The following SEMA3E variants were observed in gnomAD, a reference collection of about 807,000 sequenced individuals.
The protein encoded by SEMA3E is semaphorin 3E.
SEMA3E carries 49 observed loss-of-function variants against 93.6 expected under a neutral mutation model. The observed-to-expected ratio is 0.52, with a 90% CI of 0.42 to 0.66. The LOEUF (loss-of-function observed/expected upper bound fraction) is 0.66. Among genes scored for constraint, SEMA3E ranks in the 30% least tolerant of loss-of-function variants. The pLI is 0.00. For missense variants in SEMA3E, 906 were observed against 964.8 expected, an observed-to-expected ratio of 0.94 and a Z score of 0.81; for synonymous variants, 363 against 330.7, an observed-to-expected ratio of 1.10 and a Z score of -1.06.
intron 1 of SEMA3E, among the ~76,000 whole-genome samples, chr7:83,571,398 G>A (rs563562592): frequency 6.6e-6 from 1 of 152,194 alleles, no homozygotes; most frequent in South Asian, 2.1e-4. Context: ...CTTTATTCCT[G>A]GGATACAAGT....
intron 5 of SEMA3E, among the ~76,000 whole-genome samples, chr7:83,413,073 ATTCT>A (rs1291614740): frequency 6.6e-6 from 1 of 152,176 alleles, no homozygotes; most frequent in Non-Finnish European, 1.5e-5. Context: ...ATAAAAACAC[ATTCT>A]TTATATTAAT....
At chr7:83,516,426 A>C (rs1223890817) in intron 1 of SEMA3E, among the ~76,000 whole-genome samples, 1 of 152,214 alleles carries the variant, frequency 6.6e-6, no homozygotes, top group Admixed American at 6.5e-5. Flanking sequence ...ATTTATGGTA[A>C]GGGTAAAGTA....
intron 11 of SEMA3E, among the ~76,000 whole-genome samples, chr7:83,398,682 G>A (rs963464833): frequency 9.2e-5 from 14 of 152,134 alleles, no homozygotes; most frequent in African/African-American, 2.4e-4. Flanking sequence ...GGTGGCTTAC[G>A]CCAGTAATAC....
chr7:83,449,623 CTAA>C (rs1196078392), intron 4 of SEMA3E, among the ~76,000 whole-genome samples: 3 of 152,108 alleles, frequency 2.0e-5, no homozygotes, highest in Non-Finnish European at 4.4e-5. Context: ...CCCTCACACA[CTAA>C]TGAGAACTAT....
intron 4 of SEMA3E, among the ~76,000 whole-genome samples, chr7:83,441,401 C>T (rs2713173): frequency 0.96 from 145,599 of 152,152 alleles, 70,000 homozygotes; most frequent in East Asian, 1. Flanking sequence ...CTCGATACAG[C>T]ATATCAAAAT....
At chr7:83,602,667 G>C (rs534911325) in intron 1 of SEMA3E, among the ~76,000 whole-genome samples, 1 of 151,996 alleles carries the variant, frequency 6.6e-6, no homozygotes, top group Non-Finnish European at 1.5e-5. Flanking sequence ...TAGTAGAAAC[G>C]GGGTTTCACC....
chr7:83,503,208 G>A (rs1466343511), intron 1 of SEMA3E, among the ~76,000 whole-genome samples: 6 of 151,934 alleles, frequency 3.9e-5, no homozygotes, highest in Middle Eastern at 3.2e-3. Flanking sequence ...CAGCTACTGC[G>A]TATTTTTAGG....
chr7:83,546,744 G>T (rs1011083938), intron 1 of SEMA3E, among the ~76,000 whole-genome samples: 1 of 152,094 alleles, frequency 6.6e-6, no homozygotes, highest in Admixed American at 6.6e-5. Flanking sequence ...TATTCCAATG[G>T]AAAATAAATT....
chr7:83,631,207 A>C (rs1012155054), intron 1 of SEMA3E, among the ~76,000 whole-genome samples: 2 of 152,136 alleles, frequency 1.3e-5, no homozygotes, highest in African/African-American at 4.8e-5. Flanking sequence ...CATATTAAAA[A>C]ATGGTTATGT....
intron 1 of SEMA3E, among the ~76,000 whole-genome samples, chr7:83,506,688 C>G (rs1790712104): frequency 1.3e-5 from 2 of 151,970 alleles, no homozygotes; most frequent in Admixed American, 1.3e-4. Flanking sequence ...TTACAAAACC[C>G]ATATAAATCA....
chr7:83,458,239 T>C (rs1789531607), intron 4 of SEMA3E, among the ~76,000 whole-genome samples: 1 of 151,768 alleles, frequency 6.6e-6, no homozygotes, highest in Admixed American at 6.6e-5. Context: ...TTCAATATCA[T>C]GTGTATGAAG....
At chr7:83,400,376 T>G (rs376148860) in intron 10 of SEMA3E, 126 bp from the exon 11 acceptor site, 24 of 851,506 alleles carry the variant, frequency 2.8e-5, no homozygotes, top group East Asian at 2.1e-4. Context: ...TTAGAAATAT[T>G]TAGTAATCAT....
chr7:83,381,760 C>T (rs1486588952), intron 16 of SEMA3E, among the ~76,000 whole-genome samples: 2 of 151,928 alleles, frequency 1.3e-5, no homozygotes, highest in Non-Finnish European at 2.9e-5. Context: ...TACATAGGCT[C>T]AAATGGTGGC....
At chr7:83,425,549 T>C (rs1232599426) in intron 4 of SEMA3E, among the ~76,000 whole-genome samples, 3 of 152,188 alleles carry the variant, frequency 2.0e-5, no homozygotes, top group African/African-American at 7.2e-5. Flanking sequence ...TTAAAAATCA[T>C]TCATTGACTA....
chr7:83,567,036 T>A (rs959410193), intron 1 of SEMA3E, among the ~76,000 whole-genome samples: 3 of 152,118 alleles, frequency 2.0e-5, no homozygotes, highest in African/African-American at 4.8e-5. Context: ...TCTCTCCAGA[T>A]ACACATAGAC....
intron 1 of SEMA3E, among the ~76,000 whole-genome samples, chr7:83,627,697 A>T: frequency 9.5e-6 from 1 of 104,918 alleles, no homozygotes; most frequent in Admixed American, 1.3e-4. Flanking sequence ...CTTTATTTTG[A>T]GCCTATGTAT....
intron 1 of SEMA3E, among the ~76,000 whole-genome samples, chr7:83,551,271 G>A (rs989950724): frequency 6.6e-6 from 1 of 152,064 alleles, no homozygotes. Flanking sequence ...ATGGACTTAC[G>A]AATCTGGCAT....
intron 4 of SEMA3E, among the ~76,000 whole-genome samples, chr7:83,428,090 T>C (rs982820955): frequency 5.3e-5 from 8 of 152,182 alleles, no homozygotes; most frequent in Non-Finnish European, 1.0e-4. Context: ...AAAATATAAA[T>C]GGTAGATCTC....
intron 4 of SEMA3E, among the ~76,000 whole-genome samples, chr7:83,447,707 G>A (rs577036159): frequency 3.3e-5 from 5 of 152,326 alleles, no homozygotes; most frequent in African/African-American, 1.2e-4. Flanking sequence ...TATCTCTCCA[G>A]TGACATTACA....
Sources: allele counts gnomAD v4.1 joint callset (sites outside exome capture counted in the v4.1 genomes callset), GRCh38; gene constraint gnomAD v4.1.1; transcripts MANE v1.5; gene names NCBI Gene and HGNC (gene_info 2026-07-23, HGNC 2026-07-21).